The following ZNF195 variants were observed in gnomAD, a reference collection of about 807,000 sequenced individuals.
ZNF195 encodes hypoxia-regulated factor-1.
Under a neutral mutation model 19.5 loss-of-function variants are expected in ZNF195, and 11 were observed. The observed-to-expected ratio is 0.57, with a 90% CI of 0.36 to 0.94. The LOEUF (loss-of-function observed/expected upper bound fraction) is 0.94, where lower values mean the gene tolerates loss of function less well. Among genes scored for constraint, ZNF195 ranks in the 40% least tolerant of loss-of-function variants. ZNF195 has a pLI of 0.01. For synonymous variants in ZNF195, 214 were observed against 248.1 expected, an observed-to-expected ratio of 0.86 and a Z score of 1.29; for missense variants, 582 against 709.0, an observed-to-expected ratio of 0.82 and a Z score of 2.03.
intron 1 of ZNF195, among the ~76,000 whole-genome samples, chr11:3,374,043 G>A (rs1196835853): frequency 6.6e-6 from 1 of 152,212 alleles, no homozygotes; most frequent in Non-Finnish European, 1.5e-5. Flanking sequence ...TGATGCATGT[G>A]ACTTAAACAG....
intron 1 of ZNF195, among the ~76,000 whole-genome samples, chr11:3,376,071 A>C (rs1187734188): frequency 1.3e-5 from 2 of 152,208 alleles, no homozygotes; most frequent in Non-Finnish European, 2.9e-5. Context: ...AAACAGCCCC[A>C]GGATAATAAC....
intron 3 of ZNF195, chr11:3,368,884 A>G (rs1849038713): frequency 2.2e-6 from 1 of 454,726 alleles, no homozygotes; most frequent in Non-Finnish European, 4.4e-6. Flanking sequence ...CGCAATCAAA[A>G]TAATGAAATA....
Position 3,359,714 on chromosome 11 carries a change from G to A in ZNF195, c.1294C>T (p.His432Tyr), listed in dbSNP as rs767310998. ...FSDLTKHKRI[H>Y]TGEKPYKCDE... is the part of the protein sequence containing the mutation. ...CATTTGTATGGTTTCTCACCAGTGT[G>A]AATTCTCTTATGTTTAGTAAGGTCT... Residue 432 changes from histidine to tyrosine, a missense_variant, in exon 6 of 6, where the codon CAC becomes TAC. This residue lies in a region of ZNF195 where 407 missense variants were observed against 530.5 expected (regional missense o/e 0.77). Coordinates refer to ENST00000399602, the MANE Select transcript of ZNF195 (RefSeq NM_001130520.3). This position sits in a 1 kb window ranked among gnomAD's most constrained non-coding sequence, Gnocchi z 5.5. The A allele has an allele frequency of 1.9e-6, 3 of 1,614,130 alleles. No homozygotes were observed. The highest frequency in any genetic ancestry group is 1.7e-6 in the Non-Finnish European group (2 of 1,179,968).
chr11:3,367,865 A>G (rs182874074), intron 3 of ZNF195, among the ~76,000 whole-genome samples: 2,094 of 152,128 alleles, frequency 0.014, 24 homozygotes, highest in Non-Finnish European at 0.019. Context: ...TGAGGTCGGG[A>G]GTTCGAGGCC....
intron 4 of ZNF195, among the ~76,000 whole-genome samples, chr11:3,361,418 G>A (rs940739792): frequency 5.3e-5 from 8 of 151,982 alleles, no homozygotes; most frequent in Non-Finnish European, 7.4e-5. Context: ...ATTAACTGAA[G>A]AAAATAAAAT....
At chr11:3,374,533 G>A (rs775531516) in intron 1 of ZNF195, among the ~76,000 whole-genome samples, 2 of 152,228 alleles carry the variant, frequency 1.3e-5, no homozygotes, top group African/African-American at 4.8e-5. Context: ...GTGTACACAC[G>A]TATGAATGCA....
intron 1 of ZNF195, among the ~76,000 whole-genome samples, 195 bp downstream of exon 1, chr11:3,378,843 C>T (rs1249986429): frequency 6.6e-6 from 1 of 152,206 alleles, no homozygotes; most frequent in Non-Finnish European, 1.5e-5. Context: ...GGGGACATGG[C>T]TCTGGGCTTG....
intron 1 of ZNF195, among the ~76,000 whole-genome samples, chr11:3,374,878 A>C (rs938365773): frequency 4.7e-4 from 71 of 152,344 alleles, no homozygotes; most frequent in African/African-American, 1.7e-3. Flanking sequence ...ACTGAGAAAG[A>C]GCTTGCTGGA....
chr11:3,373,491 G>C (rs769993713), intron 1 of ZNF195: 2 of 1,031,094 alleles, frequency 1.9e-6, no homozygotes, highest in East Asian at 2.6e-5. Context: ...AACACCACAA[G>C]TAGAGAAGTA....
intron 3 of ZNF195, among the ~76,000 whole-genome samples, chr11:3,369,813 T>C (rs1431521101): frequency 6.6e-6 from 1 of 152,230 alleles, no homozygotes; most frequent in African/African-American, 2.4e-5. Flanking sequence ...ATGAGTAGCT[T>C]CACGAATACT....
rs1241799667 is a variant in ZNF195 at position 3,360,398 on chromosome 11, G to A, written c.610C>T (p.Leu204Phe). The change falls in exon 6 of 6, where the codon CTT becomes TTT. Residue 204 changes from leucine to phenylalanine, a missense_variant. Physicochemically the swap from Leu to Phe is conservative, Grantham distance 22 (BLOSUM62 0). Around this residue, in one of 3 missense-constraint regions of ZNF195, gnomAD observed 407 missense variants for 530.5 expected, o/e 0.77. Transcript: ENST00000399602. ...ECKLQKDYNG[L>F]NQCSSTTHSK... is the part of the protein sequence containing the mutation. ...TGGGTAGTTGATGAACATTGGTTAA[G>A]TCCATTATAATCTTTTTGCAACTTA... 9.3e-6 allele frequency: 15 copies of A among 1,611,850 alleles called. No individual in the cohort carries two copies. Among genetic ancestry groups the A allele is most frequent in the Non-Finnish European group, 1.3e-5 (15 of 1,179,394 alleles).
At chr11:3,378,023 G>C in intron 1 of ZNF195, 1 of 849,242 alleles carries the variant, frequency 1.2e-6, no homozygotes, top group Non-Finnish European at 1.4e-6. Context: ...AAAAAGTGCC[G>C]TCCAGGCTGG....
intron 1 of ZNF195, among the ~76,000 whole-genome samples, chr11:3,374,811 T>C (rs1405203245): frequency 2.0e-5 from 3 of 152,272 alleles, no homozygotes; most frequent in Non-Finnish European, 2.9e-5. Context: ...GCACTTTCCA[T>C]TGTTGTGTTT....
chr11:3,372,792 C>T (rs537037198), intron 1 of ZNF195, among the ~76,000 whole-genome samples: 3 of 152,366 alleles, frequency 2.0e-5, no homozygotes, highest in African/African-American at 4.8e-5. Context: ...AGTGCAGTGG[C>T]GCGATCTCGG....
rs533041631 is a variant in ZNF195, at chr11:3,363,106, A to G, written c.227-1217T>C. Among the ~76,000 whole-genome samples the G allele has an allele frequency of 8.5e-5, 13 of 152,356 alleles. No individual in the cohort carries two copies. The South Asian group carries it at 2.7e-3, about 32-fold the overall frequency. On this transcript the variant is annotated intron_variant, in intron 3 of 5. Transcript: ENST00000399602. ...TGCATATTCGTATATATATTTAGGTATTGAAGTAACTTCCTATTATACTGC... is the reference window on the plus strand; with the variant it reads ...TGCATATTCGTATATATATTTAGGTGTTGAAGTAACTTCCTATTATACTGC...
chr11:3,376,467 G>A (rs1372296844), intron 1 of ZNF195, among the ~76,000 whole-genome samples: 2 of 152,232 alleles, frequency 1.3e-5, no homozygotes, highest in Non-Finnish European at 2.9e-5. Context: ...CCAGGCCTTC[G>A]ATTGCTTTCT....
In ZNF195 at chr11:3,360,504, T is replaced by C. The variant is rs777007388; in HGVS notation, c.504A>G (p.Pro168=). ...TTCCATATCCTCTCAGTATTCTTTT[T>C]GGGAATGCATCTTGTATGCCCTGCT... ...LPEQGIQDAF[P]KRILRGYGNC... is the part of the protein sequence containing the mutation. Residue 168 remains proline, a synonymous_variant, in exon 6 of 6, where the codon CCA becomes CCG. Coordinates refer to ENST00000399602, the MANE Select transcript of ZNF195 (RefSeq NM_001130520.3). 6.2e-7 allele frequency: 1 copy of C among 1,608,596 alleles called. No homozygotes were observed. The highest frequency in any genetic ancestry group is 8.5e-7 in the Non-Finnish European group (1 of 1,179,284).
At chr11:3,378,758 A>C (rs549310449) in intron 1 of ZNF195, among the ~76,000 whole-genome samples, 61 of 152,354 alleles carry the variant, frequency 4.0e-4, no homozygotes, top group Non-Finnish European at 7.2e-4. Flanking sequence ...CCTCTTATGC[A>C]CAAACCACCC....
chr11:3,371,312 A>G (rs1849198211), intron 2 of ZNF195, among the ~76,000 whole-genome samples: 1 of 152,218 alleles, frequency 6.6e-6, no homozygotes, highest in Non-Finnish European at 1.5e-5. Context: ...GTTGTGGGCA[A>G]CAATATTTCA....
Sources: gnomAD v4.1 joint callset for allele counts (sites outside exome capture counted in the v4.1 genomes callset) on GRCh38, gnomAD v4.1.1 for gene constraint, gnomAD v4.1.1 regional missense constraint, Gnocchi (gnomAD v3.1) non-coding constraint, MANE v1.5 for transcripts, NCBI Gene and HGNC (gene_info 2026-07-23, HGNC 2026-07-21) for gene names.